Variants in ACADL observed in about 807,000 individuals in gnomAD.
The protein encoded by ACADL is long-chain specific acyl-CoA dehydrogenase, mitochondrial.
In ACADL, 60 loss-of-function variants were observed where a neutral mutation model predicts 56.9. The ratio of observed to expected loss-of-function variants is 1.05; its 90% CI spans 0.86 to 1.31. ACADL has a LOEUF of 1.31. Among genes scored for constraint, ACADL ranks in the 50% most tolerant of loss-of-function variants. The probability of loss-of-function intolerance (pLI) is 0.00; values close to 1 mark genes in which losing one functional copy is unlikely to be tolerated. For missense variants in ACADL, 484 were observed against 525.5 expected (o/e 0.92, Z 0.77); for synonymous variants, 158 against 179.7 (o/e 0.88, Z 0.97).
In ACADL at chr2:210,205,750, G is replaced by A. The variant is rs546101555; in HGVS notation, c.650C>T (p.Ala217Val). ...GSLSDVVIVV[A>V]VTNHEAPSPA... ...GGAGGGAGCTTCATGATTTGTGACC[G>A]CAACTACAATCACAACATCACTTAA... Residue 217 changes from alanine (A) to valine (V), a missense_variant, in exon 6 of 11, where the codon GCG (alanine) becomes GTG (valine). Transcript: ENST00000233710. 43 of 1,613,894 alleles carry A rather than the reference G, an allele frequency of 2.7e-5. No homozygotes were observed. Among genetic ancestry groups the A allele is most frequent in the South Asian group, 1.1e-4 (10 of 91,082 alleles).
intron 10 of ACADL, among the ~76,000 whole-genome samples, chr2:210,191,029 G>C (rs897333438): frequency 1.2e-4 from 18 of 151,072 alleles, no homozygotes; most frequent in Admixed American, 3.3e-4. Flanking sequence ...CGATTCTCAT[G>C]CCTCTGGAGT....
intron 5 of ACADL, 52 bp from the exon 6 acceptor site, chr2:210,205,848 T>C (rs774416530): frequency 6.2e-7 from 1 of 1,602,936 alleles, no homozygotes; most frequent in African/African-American, 1.3e-5. Flanking sequence ...CAATTCTATG[T>C]GCAAGTTATG....
intron 1 of ACADL, chr2:210,224,732 A>G (rs1440878528): frequency 6.1e-6 from 6 of 987,888 alleles, no homozygotes; most frequent in East Asian, 1.1e-4. Context: ...CAAGTTCACT[A>G]CCGCGCGGCG....
At chr2:210,190,120 A>G (rs1688608402) in intron 10 of ACADL, among the ~76,000 whole-genome samples, 1 of 152,050 alleles carries the variant, frequency 6.6e-6, no homozygotes, top group Non-Finnish European at 1.5e-5. Context: ...CTCTAGGAAC[A>G]TACCACTTTT....
In ACADL at chr2:210,210,251, C is replaced by G. The variant is rs768589875; in HGVS notation, c.548G>C (p.Gly183Ala). 5 of 1,608,794 alleles carry G rather than the reference C, an allele frequency of 3.1e-6. No homozygotes were observed. The African/African-American group carries it at 4.0e-5, about 13-fold the overall frequency. The part of the protein sequence containing the change: ...TEPGAGSDLQ[G>A]IKTNAKKDGS... Reference sequence around the variant, plus strand: ...ATCCTTTTTAGCATTTGTTTTTATTCCCTGTAAGTCACTGTAATTGAAAGA... The same window carrying G: ...ATCCTTTTTAGCATTTGTTTTTATTGCCTGTAAGTCACTGTAATTGAAAGA... Residue 183 changes from glycine to alanine, a missense_variant, in exon 5 of 11, where the codon GGA (glycine) becomes GCA (alanine). Transcript: ENST00000233710.
intron 1 of ACADL, among the ~76,000 whole-genome samples, chr2:210,221,445 T>A (rs1385710028): frequency 6.6e-6 from 1 of 152,170 alleles, no homozygotes; most frequent in Non-Finnish European, 1.5e-5. Context: ...GTCTTCAGCC[T>A]TTTTTACCCT....
intron 9 of ACADL, among the ~76,000 whole-genome samples, chr2:210,193,411 G>A (rs1172877671): frequency 1.3e-5 from 2 of 151,856 alleles, no homozygotes; most frequent in East Asian, 3.9e-4. Context: ...AACCTAAGAG[G>A]GCAGACTAAC....
chr2:210,223,097 C>A (rs1427731490), intron 1 of ACADL, among the ~76,000 whole-genome samples: 2 of 152,110 alleles, frequency 1.3e-5, no homozygotes, highest in African/African-American at 4.8e-5. Flanking sequence ...TTAAGGAAAT[C>A]TCTGCAATAT....
intron 4 of ACADL, among the ~76,000 whole-genome samples, chr2:210,213,254 C>T (rs562543894): frequency 1.2e-4 from 19 of 152,296 alleles, no homozygotes; most frequent in Middle Eastern, 6.8e-3. Context: ...AATCCCAGCA[C>T]TTTGGGAGGC....
chr2:210,211,392 A>G (rs1481629374), intron 4 of ACADL, among the ~76,000 whole-genome samples: 1 of 152,032 alleles, frequency 6.6e-6, no homozygotes, highest in Non-Finnish European at 1.5e-5. Context: ...AATTTTTCCA[A>G]TTTGTCTTCT....
At chr2:210,205,192 A>G (rs1688863110) in intron 6 of ACADL, among the ~76,000 whole-genome samples, 1 of 151,812 alleles carries the variant, frequency 6.6e-6, no homozygotes, top group South Asian at 2.1e-4. Flanking sequence ...ACACCCAGCT[A>G]ATTTTTTATT....
intron 8 of ACADL, among the ~76,000 whole-genome samples, chr2:210,202,859 C>T (rs2125711781): frequency 6.6e-6 from 1 of 152,238 alleles, no homozygotes; most frequent in East Asian, 1.9e-4. Context: ...TCTATCTACT[C>T]ATCGGGTGTG....
Position 210,220,712 on chromosome 2 carries a change from C to T in ACADL, c.168G>A (p.Glu56=), listed in dbSNP as rs371840508. Residue 56 remains glutamate, a synonymous_variant, in exon 2 of 11, where the codon GAG becomes GAA. Transcript: ENST00000233710. ...DIGIRRIFSP[E]HDIFRKSVRK... is the part of the protein sequence containing the mutation. The stretch of plus-strand genomic sequence containing the variant: ...TTACACTTTTCCGGAAAATGTCATG[C>T]TCTGGAGAAAAGATTCTTCGAATTC... 48 of 1,613,372 alleles carry T rather than the reference C, an allele frequency of 3.0e-5. No homozygotes were observed. Among genetic ancestry groups the T allele is most frequent in the Non-Finnish European group, 3.8e-5 (45 of 1,179,748 alleles).
intron 1 of ACADL, among the ~76,000 whole-genome samples, chr2:210,223,280 G>A (rs776062177): frequency 1.4e-4 from 21 of 152,176 alleles, no homozygotes; most frequent in Non-Finnish European, 2.8e-4. Context: ...GAAGAAATCT[G>A]TAATGGAAAA....
intron 4 of ACADL, among the ~76,000 whole-genome samples, chr2:210,214,452 T>C (rs1290172447): frequency 8.0e-5 from 1 of 12,518 alleles, no homozygotes; most frequent in African/African-American, 1.4e-4. Context: ...CTCATGACTT[T>C]CAATGACCTT....
intron 8 of ACADL, among the ~76,000 whole-genome samples, chr2:210,199,908 C>A (rs1224370947): frequency 1.3e-5 from 2 of 151,986 alleles, no homozygotes; most frequent in Admixed American, 1.3e-4. Context: ...CCACACCTGG[C>A]TAATTTTTGT....
At chr2:210,222,016 A>G (rs984807278) in intron 1 of ACADL, among the ~76,000 whole-genome samples, 3 of 152,196 alleles carry the variant, frequency 2.0e-5, no homozygotes, top group Admixed American at 2.0e-4. Context: ...GGCATGAGCT[A>G]TTGTGCCCAG....
intron 3 of ACADL, among the ~76,000 whole-genome samples, chr2:210,217,303 C>A (rs1689102899): frequency 1.3e-5 from 2 of 152,098 alleles, no homozygotes; most frequent in Admixed American, 6.6e-5. Context: ...TGTCAAAGAG[C>A]AGGAACATAT....
intron 5 of ACADL, among the ~76,000 whole-genome samples, chr2:210,207,888 C>T (rs541585825): frequency 6.6e-6 from 1 of 152,102 alleles, no homozygotes; most frequent in Non-Finnish European, 1.5e-5. Flanking sequence ...ATCTTAAGTG[C>T]TTAGAATTCT....
Sources: allele counts gnomAD v4.1 joint callset (sites outside exome capture counted in the v4.1 genomes callset), GRCh38; gene constraint gnomAD v4.1.1; transcripts MANE v1.5; gene names NCBI Gene and HGNC (gene_info 2026-07-23, HGNC 2026-07-21).